Variants in PBRM1 observed in about 807,000 individuals in gnomAD.
PBRM1 encodes the protein polybromo 1.
Under a neutral mutation model 194.5 loss-of-function variants are expected in PBRM1, and 27 were observed. The ratio of observed to expected loss-of-function variants is 0.14; its 90% CI spans 0.10 to 0.19. The LOEUF is 0.19. PBRM1 is among the 10% of genes least tolerant of loss of function. The pLI is 1.00. For synonymous variants in PBRM1, 655 were observed against 693.2 expected, an observed-to-expected ratio of 0.94 and a Z score of 0.87; for missense variants, 1,466 against 2,077.2, an observed-to-expected ratio of 0.71 and a Z score of 5.72.
chr3:52,582,902 C>A (rs1356095945), intron 20 of PBRM1, among the ~76,000 whole-genome samples: 1 of 149,138 alleles, frequency 6.7e-6, no homozygotes, highest in East Asian at 2.0e-4. Flanking sequence ...TCGAGACCAT[C>A]CTGGCTAACA....
intron 11 of PBRM1, among the ~76,000 whole-genome samples, chr3:52,633,733 T>A (rs933927068): frequency 1.1e-4 from 17 of 152,220 alleles, no homozygotes; most frequent in African/African-American, 4.1e-4. Context: ...ACACAAAAGT[T>A]CTGAACTGCA....
intron 12 of PBRM1, 115 bp downstream of exon 13, chr3:52,628,779 G>T: frequency 1.1e-6 from 1 of 948,072 alleles, no homozygotes. Context: ...GCCAAATGAT[G>T]TAATATTACT....
chr3:52,581,644 CTT>C (rs201354519), intron 20 of PBRM1, among the ~76,000 whole-genome samples: 1 of 143,820 alleles, frequency 7.0e-6, no homozygotes. Context: ...TAAAGTAATT[CTT>C]TTTTTTTTTT....
At chr3:52,574,911 T>A (rs192111276) in intron 22 of PBRM1, among the ~76,000 whole-genome samples, 490 of 152,326 alleles carry the variant, frequency 3.2e-3, no homozygotes, top group Non-Finnish European at 5.0e-3. Context: ...AAAAATCTTT[T>A]ATTTTTTGAG....
intron 25 of PBRM1, among the ~76,000 whole-genome samples, chr3:52,558,615 A>T (rs2082722359): frequency 6.6e-6 from 1 of 152,186 alleles, no homozygotes; most frequent in Admixed American, 6.5e-5. Context: ...TCCCATCTTG[A>T]GAACTGGTCT....
chr3:52,610,002 A>C, intron 15 of PBRM1, 47 bp from the exon 18 acceptor site: 1 of 1,192,272 alleles, frequency 8.4e-7, no homozygotes, highest in Non-Finnish European at 1.2e-6. Context: ...AATGAACCTA[A>C]ATTTGTATAC....
chr3:52,581,338 C>A (rs1226060717), intron 20 of PBRM1, among the ~76,000 whole-genome samples: 1 of 152,058 alleles, frequency 6.6e-6, no homozygotes, highest in Non-Finnish European at 1.5e-5. Context: ...GGTAAAACCC[C>A]ATCTCTATTA....
intron 27 of PBRM1, 41 bp from the exon 30 acceptor site, chr3:52,550,858 T>G: frequency 7.7e-7 from 1 of 1,306,586 alleles, no homozygotes. Flanking sequence ...AGGCTCTGGG[T>G]TGAAATGACT....
chr3:52,600,773 G>C (rs1196510491), intron 17 of PBRM1, among the ~76,000 whole-genome samples: 2 of 152,132 alleles, frequency 1.3e-5, no homozygotes, highest in African/African-American at 2.4e-5. Context: ...CGAGTAGTTG[G>C]GATTACAGGC....
At chr3:52,621,755 A>G (rs905451808) in intron 13 of PBRM1, among the ~76,000 whole-genome samples, 16 of 152,210 alleles carry the variant, frequency 1.1e-4, no homozygotes, top group Non-Finnish European at 2.1e-4. Flanking sequence ...TCAAGGGGCC[A>G]TAATACTTAA....
In PBRM1 at chr3:52,609,660, C is replaced by G. The variant is rs1293010915; in HGVS notation, c.2220G>C (p.Glu740Asp). The G allele has an allele frequency of 6.2e-7, 1 of 1,613,162 alleles. No individual in the cohort carries two copies. Among genetic ancestry groups the G allele is most frequent in the Non-Finnish European group, 8.5e-7 (1 of 1,179,298 alleles). ...CATCTTTGTAGATCAAAGACTCCGGCTCATTGTATGTACAGGCATTATTAA... is the reference window on the plus strand; with the variant it reads ...CATCTTTGTAGATCAAAGACTCCGGGTCATTGTATGTACAGGCATTATTAA... The change falls in exon 16 of 30, where the codon GAG (glutamate) becomes GAC (aspartate). Residue 740 changes from glutamate to aspartate, a missense_variant. Glu to Asp is a conservative substitution (Grantham distance 45). Transcript: ENST00000296302. This position sits in a 1 kb window ranked among gnomAD's most constrained non-coding sequence, Gnocchi z 4.1.
At chr3:52,678,659 T>G in intron 1 of PBRM1, 62 bp from the exon 3 acceptor site, 1 of 1,028,210 alleles carries the variant, frequency 9.7e-7, no homozygotes, top group Non-Finnish European at 1.5e-6. Context: ...AGTGTAGACA[T>G]AAGAATTATT....
chr3:52,561,912 G>A (rs770235395), exon 25 of PBRM1: 39 of 1,614,010 alleles, frequency 2.4e-5, no homozygotes, highest in Middle Eastern at 1.6e-4. Flanking sequence ...CACTCATGTT[G>A]ATTTTCCGTT....
At chr3:52,632,411 T>C (rs2095647526) in intron 11 of PBRM1, among the ~76,000 whole-genome samples, 1 of 152,102 alleles carries the variant, frequency 6.6e-6, no homozygotes, top group Admixed American at 6.6e-5. Context: ...AGACTTGGTC[T>C]CTACAAAAAC....
intron 26 of PBRM1, among the ~76,000 whole-genome samples, chr3:52,555,081 ATTAGTAC>A (rs2081948922): frequency 6.6e-6 from 1 of 152,234 alleles, no homozygotes; most frequent in Non-Finnish European, 1.5e-5. Context: ...TTTGGGATGA[ATTAGTAC>A]TTAGTACACT....
At chr3:52,615,359 A>C (rs1024011941) in exon 15 of PBRM1, 1 of 1,596,354 alleles carries the variant, frequency 6.3e-7, no homozygotes. Flanking sequence ...ACTCAGCTTG[A>C]GTTTGGGAGA....
At chr3:52,650,820 T>C (rs2096470314) in intron 6 of PBRM1, among the ~76,000 whole-genome samples, 1 of 152,170 alleles carries the variant, frequency 6.6e-6, no homozygotes, top group African/African-American at 2.4e-5. Context: ...AAAACAACCA[T>C]ATCAGTTCTA....
intron 15 of PBRM1, among the ~76,000 whole-genome samples, chr3:52,612,258 C>CAAAAAAAAAAAAAAA (rs566481465): frequency 0.022 from 528 of 23,992 alleles, 94 homozygotes; most frequent in East Asian, 0.026. Flanking sequence ...GATTCCGTCT[C>CAAAAAAAAAAAAAAA]AAAAAAAAAA....
At chr3:52,563,031 C>G (rs1048296054) in intron 24 of PBRM1, among the ~76,000 whole-genome samples, 1 of 151,944 alleles carries the variant, frequency 6.6e-6, no homozygotes, top group Non-Finnish European at 1.5e-5. Context: ...ATTAAAATAG[C>G]TATGAAATTT....
Sources: allele counts gnomAD v4.1 joint callset (sites outside exome capture counted in the v4.1 genomes callset), GRCh38; gene constraint gnomAD v4.1.1; non-coding constraint Gnocchi (gnomAD v3.1); transcripts MANE v1.5; gene names NCBI Gene and HGNC (gene_info 2026-07-23, HGNC 2026-07-21).